The following STX18 variants were observed in gnomAD, a reference collection of about 807,000 sequenced individuals.
The protein encoded by STX18 is syntaxin 18, also known as syntaxin-18.
STX18 carries 40 observed loss-of-function variants against 50.1 expected under a neutral mutation model. That is an observed-to-expected ratio of 0.80 (90% CI 0.62 to 1.04). The LOEUF (loss-of-function observed/expected upper bound fraction) is 1.04. Among genes scored for constraint, STX18 ranks in the 50% least tolerant of loss-of-function variants. The probability of loss-of-function intolerance (pLI) is 0.00; values close to 1 mark genes in which losing one functional copy is unlikely to be tolerated. For synonymous variants in STX18, 158 were observed against 151.8 expected (o/e 1.04, Z -0.30); for missense variants, 410 against 415.8 (o/e 0.99, Z 0.12).
At chr4:4,507,905 G>A (rs1421329402) in intron 1 of STX18, 2 of 510,948 alleles carry the variant, frequency 3.9e-6, no homozygotes, top group Admixed American at 3.4e-5. Context: ...AGCCTAGAAA[G>A]GAAGCATTCC....
chr4:4,423,923 T>G, intron 8 of STX18: 1 of 343,768 alleles, frequency 2.9e-6, no homozygotes. Context: ...GTGCCCCAGT[T>G]ACAGAAAGCA....
At chr4:4,447,241 T>C (rs1054513965) in intron 5 of STX18, among the ~76,000 whole-genome samples, 12 of 152,136 alleles carry the variant, frequency 7.9e-5, no homozygotes, top group African/African-American at 2.9e-4. Context: ...GATTTTTTTT[T>C]CCAGTTACTA....
chr4:4,423,655 T>G (rs1207294412), intron 8 of STX18, 68 bp from the exon 9 acceptor site: 5 of 1,486,622 alleles, frequency 3.4e-6, no homozygotes, highest in Admixed American at 1.7e-5. Context: ...TGTTACACAC[T>G]TCTAAAGAAA....
chr4:4,534,962 C>G (rs1731263967), intron 1 of STX18, among the ~76,000 whole-genome samples: 1 of 152,264 alleles, frequency 6.6e-6, no homozygotes, highest in Non-Finnish European at 1.5e-5. Flanking sequence ...CAACCTCACC[C>G]CCTGACACTC....
intron 5 of STX18, among the ~76,000 whole-genome samples, chr4:4,442,803 TAA>T (rs71169645): frequency 0.18 from 17,592 of 100,340 alleles, 2,227 homozygotes; most frequent in African/African-American, 0.39. Context: ...ACAAGTTTAT[TAA>T]AAAAAAAAAA....
At chr4:4,438,936 TATATATACCCCCACACAC>T (rs1332530395) in intron 5 of STX18, among the ~76,000 whole-genome samples, 2 of 150,154 alleles carry the variant, frequency 1.3e-5, no homozygotes, top group Admixed American at 1.3e-4. Context: ...TTCATATATA[TATATATACCCCCACACAC>T]ATATATACCC....
intron 5 of STX18, 125 bp downstream of exon 5, chr4:4,457,066 C>G: frequency 1.2e-6 from 1 of 868,792 alleles, no homozygotes; most frequent in Non-Finnish European, 1.8e-6. Context: ...GTAGCGCCAG[C>G]TATGGCATTT....
chr4:4,428,457 T>G (rs756329097), intron 7 of STX18, among the ~76,000 whole-genome samples: 28 of 151,936 alleles, frequency 1.8e-4, no homozygotes, highest in Non-Finnish European at 4.0e-4. Context: ...AGTAGTGGGG[T>G]TGTTAGAAGG....
At chr4:4,510,541 T>G (rs1286923857) in intron 1 of STX18, among the ~76,000 whole-genome samples, 2 of 152,222 alleles carry the variant, frequency 1.3e-5, no homozygotes, top group African/African-American at 2.4e-5. Context: ...AGGAACGTTT[T>G]TACACTGTTG....
intron 1 of STX18, chr4:4,499,472 C>G: frequency 3.0e-6 from 3 of 984,654 alleles, no homozygotes; most frequent in Non-Finnish European, 3.6e-6. Context: ...AGAAAAACAG[C>G]ATTTCATATG....
At chr4:4,481,935 T>G (rs1448461175) in intron 1 of STX18, among the ~76,000 whole-genome samples, 3 of 152,174 alleles carry the variant, frequency 2.0e-5, no homozygotes, top group African/African-American at 2.4e-5. Flanking sequence ...CAGCAGTTGT[T>G]GAGTAAGCAA....
At chr4:4,505,261 A>T (rs1729646443) in intron 1 of STX18, among the ~76,000 whole-genome samples, 1 of 152,340 alleles carries the variant, frequency 6.6e-6, no homozygotes. Flanking sequence ...CCTACCAAAC[A>T]TCATAGCTTA....
At chr4:4,429,490 A>C (rs942403355) in intron 7 of STX18, among the ~76,000 whole-genome samples, 8 of 152,188 alleles carry the variant, frequency 5.3e-5, no homozygotes, top group Non-Finnish European at 1.2e-4. Context: ...ACAAAGAGCC[A>C]AGAAAAGCTG....
intron 8 of STX18, among the ~76,000 whole-genome samples, chr4:4,424,605 G>A (rs575590503): frequency 2.6e-5 from 4 of 152,226 alleles, no homozygotes; most frequent in African/African-American, 9.6e-5. Flanking sequence ...ATTTTATTTG[G>A]GGGACATGTC....
intron 2 of STX18, among the ~76,000 whole-genome samples, chr4:4,464,981 G>C (rs1296547400): frequency 6.6e-6 from 1 of 151,554 alleles, no homozygotes; most frequent in Non-Finnish European, 1.5e-5. Context: ...CTAGCTTTGG[G>C]GTTTGTTTGC....
At chr4:4,500,962 A>G (rs1030754224) in intron 1 of STX18, among the ~76,000 whole-genome samples, 1 of 152,148 alleles carries the variant, frequency 6.6e-6, no homozygotes, top group South Asian at 2.1e-4. Flanking sequence ...GCTAGAACCT[A>G]GGAGAAGGAG....
chr4:4,450,242 A>G (rs1399650426), intron 5 of STX18, among the ~76,000 whole-genome samples: 1 of 152,170 alleles, frequency 6.6e-6, no homozygotes, highest in African/African-American at 2.4e-5. Flanking sequence ...ATTCGTGCCA[A>G]TCTTTCATTT....
Position 4,420,720 on chromosome 4 carries a change from G to T in STX18, c.912+144C>A. 1.4e-6 allele frequency: 1 copy of T among 726,468 alleles called. No homozygotes were observed. 45.0% of individuals were successfully genotyped at this position (726,468 alleles called of 1,614,324 possible). ...GTGGTGGGTCTCATGAACACACGCA[G>T]CTCCGCGGTCACACAATTTTGTGAT... On this transcript the variant is annotated intron_variant, in intron 10 of 10. Coordinates refer to ENST00000306200, the MANE Select transcript of STX18 (RefSeq NM_016930.4). The surrounding 1 kb of genome is among the most constrained non-coding windows in gnomAD (Gnocchi z 4.3).
At position 4,462,622 on chromosome 4, in the gene STX18, G is replaced by A. The variant is rs369271432; in HGVS notation, c.237-3135C>T. On this transcript the variant is annotated intron_variant, in intron 2 of 10. Coordinates refer to ENST00000306200, the MANE Select transcript of STX18 (RefSeq NM_016930.4). ...TATGCCTATAGTCCCAACTACTCAG[G>A]AGGCTGAGGCAGGAGGATCACTTGA... 2.4e-4 allele frequency among the ~76,000 whole-genome samples: 36 copies of A among 152,132 alleles called. 1 individual carries two copies. The South Asian group carries it at 6.0e-3, about 25-fold the overall frequency.
Sources: gnomAD v4.1 joint callset for allele counts (sites outside exome capture counted in the v4.1 genomes callset) on GRCh38, gnomAD v4.1.1 for gene constraint, Gnocchi (gnomAD v3.1) non-coding constraint, MANE v1.5 for transcripts, NCBI Gene and HGNC (gene_info 2026-07-23, HGNC 2026-07-21) for gene names.